The following CNTLN variants were observed in gnomAD, a reference collection of about 807,000 sequenced individuals.
CNTLN encodes the protein centlein.
CNTLN carries 212 observed loss-of-function variants against 180.0 expected under a neutral mutation model. The ratio of observed to expected loss-of-function variants is 1.18; its 90% CI spans 1.05 to 1.32. CNTLN has a LOEUF of 1.32. Ranked by LOEUF, CNTLN falls within the 40% of genes most tolerant of loss-of-function variation. CNTLN has a pLI of 0.00. For synonymous variants in CNTLN, 722 were observed against 563.1 expected (o/e 1.28, Z -3.99); for missense variants, 2,095 against 1,610.9 (o/e 1.30, Z -5.14).
chr9:17,284,944 C>CTT (rs1454638797), intron 6 of CNTLN, among the ~76,000 whole-genome samples: 2 of 151,348 alleles, frequency 1.3e-5, no homozygotes, highest in African/African-American at 4.9e-5. Context: ...CCCAGAGACT[C>CTT]TGTGTGTTGT....
intron 18 of CNTLN, among the ~76,000 whole-genome samples, chr9:17,418,846 A>G (rs1366225001): frequency 6.6e-6 from 1 of 152,042 alleles, no homozygotes; most frequent in East Asian, 1.9e-4. Flanking sequence ...AAACTTTTCA[A>G]AGACTTTCAA....
chr9:17,290,880 G>A (rs187136206), intron 6 of CNTLN, among the ~76,000 whole-genome samples: 14 of 152,300 alleles, frequency 9.2e-5, no homozygotes, highest in South Asian at 2.1e-4. Flanking sequence ...CGCATGGTGC[G>A]TGCACCCACT....
intron 6 of CNTLN, among the ~76,000 whole-genome samples, chr9:17,295,293 C>T (rs1183820907): frequency 2.0e-5 from 3 of 152,198 alleles, no homozygotes; most frequent in Non-Finnish European, 4.4e-5. Flanking sequence ...CAGCGGCGGG[C>T]TGAAGGGCTG....
chr9:17,433,810 G>A (rs117074692), intron 18 of CNTLN, among the ~76,000 whole-genome samples: 4,349 of 152,076 alleles, frequency 0.029, 132 homozygotes, highest in East Asian at 0.17. Context: ...TGAATACCTG[G>A]CCTCAAGCAG....
chr9:17,522,496 T>C, the CNTLN span, among the ~76,000 whole-genome samples: 1 of 152,122 alleles, frequency 6.6e-6, no homozygotes, highest in African/African-American at 2.4e-5. Context: ...CCATCATACC[T>C]CAGGCAGCCT....
intron 8 of CNTLN, among the ~76,000 whole-genome samples, chr9:17,318,508 G>T (rs1480322762): frequency 6.6e-6 from 1 of 152,124 alleles, no homozygotes; most frequent in Non-Finnish European, 1.5e-5. Flanking sequence ...TTCAAAGTTA[G>T]AATGCATAAA....
At chr9:17,336,635 T>C (rs1300689390) in intron 10 of CNTLN, among the ~76,000 whole-genome samples, 1 of 152,240 alleles carries the variant, frequency 6.6e-6, no homozygotes, top group East Asian at 1.9e-4. Flanking sequence ...ATAAGACTTA[T>C]GTAAACACTC....
At chr9:17,295,969 TGAGAGAGAGAGA>T (rs113148833) in intron 6 of CNTLN, among the ~76,000 whole-genome samples, 11 of 119,812 alleles carry the variant, frequency 9.2e-5, no homozygotes, top group Admixed American at 1.8e-4. Context: ...TACTCTTCAG[TGAGAGAGAGAGA>T]GAGAGAGAGA....
In CNTLN at chr9:17,135,140, T is replaced by C; in HGVS notation, c.75T>C (p.Val25=). The change falls in exon 1 of 26, where the codon GTT becomes GTC. Residue 25 remains valine (V), a synonymous_variant. Transcript: ENST00000380647. ...ARQLGPRSPR[V]GRGAEVHAMR... is the part of the protein sequence containing the mutation. ...AGCTGGGCCCCAGGTCCCCACGTGT[T>C]GGGCGGGGAGCTGAAGTACACGCAA... 1.9e-6 allele frequency: 3 copies of C among 1,608,168 alleles called. No homozygotes were observed. The highest frequency in any genetic ancestry group is 2.5e-6 in the Non-Finnish European group (3 of 1,178,164).
Position 17,149,928 on chromosome 9 carries a change from G to A in CNTLN, c.449+6552G>A, listed in dbSNP as rs567227603. ...AGTGATGATGAGCATTTTTTCATAT[G>A]TCTGTTGGCTGCATAAATGTTTTCT... is the stretch of plus-strand genomic sequence containing the variant. On this transcript the variant is annotated intron_variant, in intron 2 of 25. Transcript: ENST00000380647. Among the ~76,000 whole-genome samples, 5 of 152,216 alleles carry A rather than the reference G, an allele frequency of 3.3e-5. No homozygotes were observed. In the East Asian group the frequency reaches 9.6e-4, roughly 29 times the overall value.
intron 5 of CNTLN, among the ~76,000 whole-genome samples, chr9:17,251,463 A>G (rs986486196): frequency 6.6e-6 from 1 of 151,614 alleles, no homozygotes; most frequent in Non-Finnish European, 1.5e-5. Context: ...AGACTCAATG[A>G]TTTTAATTGT....
At position 17,399,905 on chromosome 9, in the gene CNTLN, T is replaced by G. The variant is rs370026900; in HGVS notation, c.2615+4836T>G. Reference sequence around the variant, plus strand: ...CCAGTTTACTATGCTTAGCTCATACTCTTTTGTCTTACCACATTTTCCCAT... The same window carrying G: ...CCAGTTTACTATGCTTAGCTCATACGCTTTTGTCTTACCACATTTTCCCAT... On this transcript the variant is annotated intron_variant, in intron 15 of 25. Transcript: ENST00000380647. Among the ~76,000 whole-genome samples, 7 of 152,308 alleles carry G rather than the reference T, an allele frequency of 4.6e-5. No individual in the cohort carries two copies. In the East Asian group the frequency reaches 1.2e-3, roughly 25 times the overall value.
At chr9:17,478,462 T>TA (rs1832470113) in intron 23 of CNTLN, among the ~76,000 whole-genome samples, 1 of 152,118 alleles carries the variant, frequency 6.6e-6, no homozygotes, top group Admixed American at 6.5e-5. Context: ...ATGTCATTTC[T>TA]AAAAAAATCA....
At chr9:17,487,651 C>T (rs912021345) in intron 25 of CNTLN, among the ~76,000 whole-genome samples, 2 of 152,084 alleles carry the variant, frequency 1.3e-5, no homozygotes, top group African/African-American at 4.8e-5. Flanking sequence ...ATTTTCCTAT[C>T]GACATTTTCT....
chr9:17,317,701 T>C (rs1037445790), intron 8 of CNTLN, among the ~76,000 whole-genome samples: 3 of 152,056 alleles, frequency 2.0e-5, no homozygotes, highest in Non-Finnish European at 2.9e-5. Flanking sequence ...AAAAGAAATA[T>C]AGAAGAAGTG....
intron 2 of CNTLN, among the ~76,000 whole-genome samples, chr9:17,193,619 C>T (rs542045232): frequency 1.6e-3 from 249 of 152,314 alleles, no homozygotes; most frequent in Admixed American, 3.9e-3. Context: ...AGGGTCCAGC[C>T]TCCCTCCCAG....
rs1351855448 is a variant in CNTLN, at chr9:17,394,830, C to A, written c.2376C>A (p.Ile792=). ...NALRNENEEL[I]NPMEKSHQSA... Reference sequence around the variant, plus strand: ...TGAGAAATGAAAATGAAGAGCTGATCAACCCAATGGAGAAATCACACCAGT... The same window carrying A: ...TGAGAAATGAAAATGAAGAGCTGATAAACCCAATGGAGAAATCACACCAGT... The change falls in exon 15 of 26, where the codon ATC becomes ATA. Residue 792 remains isoleucine, a synonymous_variant. Transcript: ENST00000380647. 6.2e-7 allele frequency: 1 copy of A among 1,613,764 alleles called. No homozygotes were observed. Among genetic ancestry groups the A allele is most frequent in the Non-Finnish European group, 8.5e-7 (1 of 1,179,954 alleles).
Position 17,273,688 on chromosome 9 carries a change from A to T in CNTLN, c.850-45A>T, listed in dbSNP as rs779838344. ...ATATAACAGATGTTTTGTTACATGT[A>T]GTATTTATTATGTTTGATTATTGAT... On this transcript the variant is annotated intron_variant, in intron 5 of 25. Coordinates refer to ENST00000380647, the MANE Select transcript of CNTLN (RefSeq NM_017738.4). 5.1e-6 allele frequency: 5 copies of T among 977,750 alleles called. No homozygotes were observed. In the Admixed American group the frequency reaches 1.5e-4, roughly 29 times the overall value. 60.6% of individuals were successfully genotyped at this position (977,750 alleles called of 1,614,324 possible).
rs76619274 is a variant in CNTLN at position 17,387,136 on chromosome 9, C to G, written c.1988-1026C>G. On this transcript the variant is annotated intron_variant, in intron 13 of 25. Coordinates refer to ENST00000380647, the MANE Select transcript of CNTLN (RefSeq NM_017738.4). Reference sequence around the variant, plus strand: ...AGACAAAAGAAATGCCTAATTCACTCTAACAAACTTGTTAGTCACTGTTTA... The same window carrying G: ...AGACAAAAGAAATGCCTAATTCACTGTAACAAACTTGTTAGTCACTGTTTA... Among the ~76,000 whole-genome samples, 78 of 152,288 alleles carry G rather than the reference C, an allele frequency of 5.1e-4. 1 individual carries two copies. The East Asian group carries it at 0.014, about 27-fold the overall frequency.
Sources: gnomAD v4.1 joint callset for allele counts (sites outside exome capture counted in the v4.1 genomes callset) on GRCh38, gnomAD v4.1.1 for gene constraint, MANE v1.5 for transcripts, NCBI Gene and HGNC (gene_info 2026-07-23, HGNC 2026-07-21) for gene names.